The following CNTNAP2 variants were observed in gnomAD, a reference collection of about 807,000 sequenced individuals.
CNTNAP2 encodes the protein contactin-associated protein-like 2.
Under a neutral mutation model 155.2 loss-of-function variants are expected in CNTNAP2, and 98 were observed. That is an observed-to-expected ratio of 0.63 (90% CI 0.54 to 0.75). The LOEUF (loss-of-function observed/expected upper bound fraction) is 0.75, where lower values mean the gene tolerates loss of function less well. Among genes scored for constraint, CNTNAP2 ranks in the 30% least tolerant of loss-of-function variants. The pLI is 0.00. For missense variants in CNTNAP2, 1,727 were observed against 1,688.1 expected, an observed-to-expected ratio of 1.02 and a Z score of -0.40; for synonymous variants, 651 against 631.2, an observed-to-expected ratio of 1.03 and a Z score of -0.47.
At chr7:147,228,204 A>G (rs1331040791) in intron 8 of CNTNAP2, among the ~76,000 whole-genome samples, 3 of 152,246 alleles carry the variant, frequency 2.0e-5, no homozygotes, top group Non-Finnish European at 4.4e-5. Flanking sequence ...TATTGAAACC[A>G]GAGAATACAG....
At chr7:147,928,862 G>C (rs1800446283) in intron 14 of CNTNAP2, among the ~76,000 whole-genome samples, 1 of 151,884 alleles carries the variant, frequency 6.6e-6, no homozygotes, top group Admixed American at 6.6e-5. Context: ...AGGCTGAAGG[G>C]GGCAGATCAC....
chr7:146,473,564 C>T (rs1796830935), intron 1 of CNTNAP2, among the ~76,000 whole-genome samples: 2 of 152,180 alleles, frequency 1.3e-5, no homozygotes, highest in Admixed American at 6.5e-5. Context: ...CAATATTCTT[C>T]TTTCTTTCTT....
In CNTNAP2 at chr7:147,230,765, A is replaced by G. The variant is rs151284750; in HGVS notation, c.1349-69376A>G. ...CATTTACTCCACACCCTATCCCCTG[A>G]CAACCACTATTCTCCTCTTTGTTTT... On this transcript the variant is annotated intron_variant, in intron 8 of 23. Transcript: ENST00000361727. 2.7e-3 allele frequency among the ~76,000 whole-genome samples: 409 copies of G among 152,306 alleles called. 1 individual carries two copies. Among genetic ancestry groups the G allele is most frequent in the African/African-American group, 9.2e-3 (383 of 41,558 alleles).
chr7:148,155,773 T>TGGA (rs1056630000), intron 17 of CNTNAP2, among the ~76,000 whole-genome samples: 2 of 152,200 alleles, frequency 1.3e-5, no homozygotes, highest in Non-Finnish European at 2.9e-5. Context: ...TAGGGTGGAA[T>TGGA]GGAGGGGTCC....
rs187609070 is a variant in CNTNAP2, at chr7:146,641,198, G to A, written c.98-133073G>A. On this transcript the variant is annotated intron_variant, in intron 1 of 23. Transcript: ENST00000361727. ...AAAAATTAGCCAGGCATGGTGGCGG[G>A]GGCCTGTAGTCCCAGCTACTTGGGA... Among the ~76,000 whole-genome samples the A allele has an allele frequency of 8.5e-3, 1,298 of 152,192 alleles. 14 individuals are homozygous for A. The highest frequency in any genetic ancestry group is 0.03 in the African/African-American group (1,232 of 41,522).
intron 3 of CNTNAP2, among the ~76,000 whole-genome samples, chr7:146,930,810 A>C (rs1160357160): frequency 1.3e-5 from 2 of 152,148 alleles, no homozygotes; most frequent in African/African-American, 4.8e-5. Context: ...AACAGACTTT[A>C]AACCAACAAA....
At chr7:148,262,165 G>GTC (rs1796574712) in intron 20 of CNTNAP2, among the ~76,000 whole-genome samples, 1 of 152,094 alleles carries the variant, frequency 6.6e-6, no homozygotes, top group South Asian at 2.1e-4. Flanking sequence ...GGAAGCAGGT[G>GTC]TCTCTAATCA....
chr7:146,366,262 T>G (rs1427762723), intron 1 of CNTNAP2, among the ~76,000 whole-genome samples: 2 of 152,268 alleles, frequency 1.3e-5, no homozygotes, highest in East Asian at 3.9e-4. Context: ...AAAATAATTT[T>G]TTTTATCCGT....
At chr7:147,586,341 T>G (rs563839090) in intron 12 of CNTNAP2, among the ~76,000 whole-genome samples, 1 of 127,084 alleles carries the variant, frequency 7.9e-6, no homozygotes, top group South Asian at 2.5e-4. Flanking sequence ...GGCCTGAATT[T>G]CAAAAGAAAG....
In CNTNAP2 at chr7:147,047,922, C is replaced by T. The variant is rs1283175198; in HGVS notation, c.550+3868C>T. Among the ~76,000 whole-genome samples, 6 of 152,056 alleles carry T rather than the reference C, an allele frequency of 3.9e-5. No individual in the cohort carries two copies. In the East Asian group the frequency reaches 1.2e-3, roughly 29 times the overall value. ...GCCAGTGGAGTAAGTAACTTAGCAA[C>T]ACAAAATTTAAAAAGTAGCATTTCA... is the stretch of plus-strand genomic sequence containing the variant. On this transcript the variant is annotated intron_variant, in intron 4 of 23. Coordinates refer to ENST00000361727, the MANE Select transcript of CNTNAP2 (RefSeq NM_014141.6).
intron 1 of CNTNAP2, among the ~76,000 whole-genome samples, chr7:146,593,147 T>A (rs1449981130): frequency 6.6e-6 from 1 of 151,272 alleles, no homozygotes; most frequent in East Asian, 1.9e-4. Context: ...CTGTTTACTA[T>A]GTTTATTATT....
chr7:147,341,586 C>G (rs1706597890), intron 9 of CNTNAP2, among the ~76,000 whole-genome samples: 1 of 151,892 alleles, frequency 6.6e-6, no homozygotes, highest in African/African-American at 2.4e-5. Flanking sequence ...CTTCAAGAGC[C>G]TGAGGTTTTA....
At chr7:147,361,006 A>C (rs779719191) in intron 9 of CNTNAP2, among the ~76,000 whole-genome samples, 7 of 152,224 alleles carry the variant, frequency 4.6e-5, no homozygotes, top group Non-Finnish European at 7.3e-5. Flanking sequence ...TATTATACCA[A>C]TGAAGGGTGT....
intron 3 of CNTNAP2, among the ~76,000 whole-genome samples, chr7:146,941,842 T>C (rs192855138): frequency 2.6e-4 from 40 of 152,166 alleles, no homozygotes; most frequent in African/African-American, 7.7e-4. Flanking sequence ...GTAAGATTTC[T>C]GCTGAGTGTG....
chr7:146,438,303 G>A (rs1796273120), intron 1 of CNTNAP2, among the ~76,000 whole-genome samples: 1 of 149,036 alleles, frequency 6.7e-6, no homozygotes, highest in African/African-American at 2.5e-5. Flanking sequence ...TTTTTAAAGA[G>A]TCTATTCATA....
chr7:147,113,167 T>C (rs1303690847), intron 5 of CNTNAP2, among the ~76,000 whole-genome samples: 1 of 152,072 alleles, frequency 6.6e-6, no homozygotes, highest in East Asian at 1.9e-4. Flanking sequence ...TTCTAGTTTA[T>C]GTGCATAGAG....
chr7:147,449,068 T>A (rs1797788865), intron 10 of CNTNAP2, among the ~76,000 whole-genome samples: 1 of 152,150 alleles, frequency 6.6e-6, no homozygotes, highest in African/African-American at 2.4e-5. Context: ...TTCCTTTGGT[T>A]TTCACAAAGC....
chr7:146,919,934 C>T (rs1796467621), intron 3 of CNTNAP2, among the ~76,000 whole-genome samples: 1 of 152,172 alleles, frequency 6.6e-6, no homozygotes, highest in Non-Finnish European at 1.5e-5. Flanking sequence ...TAAGTGGGAG[C>T]TGCAAGTTGG....
intron 21 of CNTNAP2, among the ~76,000 whole-genome samples, chr7:148,359,014 G>C (rs1276127553): frequency 2.6e-5 from 4 of 152,228 alleles, no homozygotes; most frequent in African/African-American, 9.6e-5. Context: ...CAGACTGTGT[G>C]TACAGTGGTG....
Sources: allele counts gnomAD v4.1 joint callset (sites outside exome capture counted in the v4.1 genomes callset), GRCh38; gene constraint gnomAD v4.1.1; transcripts MANE v1.5; gene names NCBI Gene and HGNC (gene_info 2026-07-23, HGNC 2026-07-21).